The following EPG5 variants were observed in gnomAD, a reference collection of about 807,000 sequenced individuals.
EPG5 encodes ectopic P-granules 5 autophagy tethering factor.
A neutral mutation model predicts 302.7 loss-of-function variants in EPG5; 159 were observed. That is an observed-to-expected ratio of 0.53 (90% CI 0.46 to 0.60). The LOEUF (loss-of-function observed/expected upper bound fraction) is 0.60, where lower values mean the gene tolerates loss of function less well. Ranked by LOEUF, EPG5 falls within the 20% of genes least tolerant of loss-of-function variation. The pLI is 0.00. For synonymous variants in EPG5, 1,158 were observed against 1,136.8 expected, an observed-to-expected ratio of 1.02 and a Z score of -0.37; for missense variants, 2,896 against 3,092.4, an observed-to-expected ratio of 0.94 and a Z score of 1.51.
chr18:45,860,483 G>T, intron 39 of EPG5, 137 bp from the exon 40 acceptor site: 2 of 1,083,124 alleles, frequency 1.8e-6, no homozygotes, highest in Non-Finnish European at 2.7e-6. Context: ...CAAGGGACTG[G>T]AAGGAAGGCT....
At position 45,879,150 on chromosome 18, in the gene EPG5, A is replaced by T; in HGVS notation, c.5732T>A (p.Phe1911Tyr). 6.2e-7 allele frequency: 1 copy of T among 1,614,152 alleles called. No individual in the cohort carries two copies. The highest frequency in any genetic ancestry group is 8.5e-7 in the Non-Finnish European group (1 of 1,180,028). ...FYKLRLSKMD[F>Y]KSFGLFSKWS... Reference sequence around the variant, plus strand: ...TTTTGAGAATAAACCAAAGCTTTTAAAGTCCATCTTGGATAACCGAAGCTT... The same window carrying T: ...TTTTGAGAATAAACCAAAGCTTTTATAGTCCATCTTGGATAACCGAAGCTT... Residue 1911 changes from phenylalanine to tyrosine, a missense_variant, in exon 33 of 44, where the codon TTT (phenylalanine) becomes TAT (tyrosine). Phe to Tyr is a conservative substitution (Grantham distance 22). Around this residue, in one of 5 missense-constraint regions of EPG5, gnomAD observed 790 missense variants for 798.0 expected, o/e 0.99. Transcript: ENST00000282041.
intron 29 of EPG5, among the ~76,000 whole-genome samples, chr18:45,885,786 T>C (rs775355478): frequency 5.3e-5 from 8 of 151,964 alleles, no homozygotes; most frequent in Non-Finnish European, 7.4e-5. Context: ...TGGAAAAATG[T>C]TTTTTTAACA....
intron 35 of EPG5, among the ~76,000 whole-genome samples, chr18:45,874,182 G>T (rs370747030): frequency 6.6e-6 from 1 of 152,222 alleles, no homozygotes. Context: ...ATGCCTTAAT[G>T]TAGGTTCATC....
chr18:45,811,944 G>A, the EPG5 span, among the ~76,000 whole-genome samples: 9 of 152,174 alleles, frequency 5.9e-5, 1 homozygote, highest in African/African-American at 2.2e-4. Flanking sequence ...AAGAAATAAA[G>A]GGTATTCAAT....
chr18:45,943,650 G>A (rs1053667884), intron 8 of EPG5, among the ~76,000 whole-genome samples: 37 of 152,232 alleles, frequency 2.4e-4, no homozygotes, highest in Admixed American at 1.0e-3. Context: ...GGCCAGGCAC[G>A]GTGGCTCACG....
At chr18:45,923,984 G>A (rs2050212911) in intron 14 of EPG5, among the ~76,000 whole-genome samples, 1 of 149,996 alleles carries the variant, frequency 6.7e-6, no homozygotes, top group Non-Finnish European at 1.5e-5. Context: ...GCCAAATCGT[G>A]CCACTGCACT....
chr18:45,919,581 C>T (rs1345861697), intron 16 of EPG5, among the ~76,000 whole-genome samples: 2 of 150,390 alleles, frequency 1.3e-5, no homozygotes, highest in South Asian at 2.1e-4. Flanking sequence ...GGCGCAATCT[C>T]GGCTCACTGC....
chr18:45,933,797 A>C (rs914399196), intron 11 of EPG5, among the ~76,000 whole-genome samples: 10 of 152,188 alleles, frequency 6.6e-5, no homozygotes, highest in African/African-American at 2.2e-4. Context: ...GACATTTAAA[A>C]ATTTGGAAAA....
At chr18:45,873,238 A>G (rs182931340) in intron 35 of EPG5, among the ~76,000 whole-genome samples, 40 of 152,270 alleles carry the variant, frequency 2.6e-4, no homozygotes, top group South Asian at 4.1e-4. Flanking sequence ...ATGGCTGGGC[A>G]TGGTGGCTCA....
Position 45,915,561 on chromosome 18 carries a change from C to A in EPG5, c.3643G>T (p.Ala1215Ser). The change falls in exon 20 of 44, where the codon GCA becomes TCA. Residue 1215 changes from alanine (A) to serine (S), a missense_variant. Transcript: ENST00000282041. ...ACAAAGGAAGGAGTGATGTTGCCTGCCACAATCCAGCTTACCAAAGATGAG... is the reference window on the plus strand; with the variant it reads ...ACAAAGGAAGGAGTGATGTTGCCTGACACAATCCAGCTTACCAAAGATGAG... The part of the protein sequence containing the change: ...LLSSLVSWIV[A>S]GNITPSFVEG... The A allele has an allele frequency of 2.5e-6, 4 of 1,614,162 alleles. No individual in the cohort carries two copies. The highest frequency in any genetic ancestry group is 3.4e-6 in the Non-Finnish European group (4 of 1,180,030).
chr18:45,820,236 A>G, the EPG5 span, among the ~76,000 whole-genome samples: 4 of 152,214 alleles, frequency 2.6e-5, no homozygotes, highest in Non-Finnish European at 5.9e-5. Context: ...ATGGACTCTG[A>G]TAGAGAATGA....
the EPG5 span, among the ~76,000 whole-genome samples, chr18:45,817,468 A>G: frequency 6.6e-6 from 1 of 152,198 alleles, no homozygotes; most frequent in Non-Finnish European, 1.5e-5. Context: ...TAATTCTGTG[A>G]GTGAGGAATT....
chr18:45,964,933 A>G (rs2051218190), intron 1 of EPG5, among the ~76,000 whole-genome samples: 1 of 152,208 alleles, frequency 6.6e-6, no homozygotes. Flanking sequence ...AGCCTGGGCA[A>G]CAAAAGCGAA....
chr18:45,868,154 T>TA, intron 36 of EPG5: 1 of 456,812 alleles, frequency 2.2e-6, no homozygotes, highest in South Asian at 1.5e-5. Context: ...GCATCAGAAC[T>TA]AAATGGAAGG....
At chr18:45,880,856 TGAG>T (rs1458995243) in intron 31 of EPG5, among the ~76,000 whole-genome samples, 1 of 152,134 alleles carries the variant, frequency 6.6e-6, no homozygotes, top group African/African-American at 2.4e-5. Context: ...GGAGCAGGTC[TGAG>T]GAGAACGATG....
At chr18:45,824,468 C>T in the EPG5 span, among the ~76,000 whole-genome samples, 18 of 152,326 alleles carry the variant, frequency 1.2e-4, no homozygotes, top group Non-Finnish European at 1.9e-4. Context: ...AGCCTCCCAA[C>T]ATGCTGGGAT....
chr18:45,901,558 A>G (rs905119275), intron 25 of EPG5, among the ~76,000 whole-genome samples: 8 of 152,218 alleles, frequency 5.3e-5, no homozygotes, highest in Admixed American at 1.3e-4. Flanking sequence ...AAGAAAAAGG[A>G]ATAAGCGTTA....
chr18:45,875,027 G>A (rs147081349), intron 35 of EPG5, among the ~76,000 whole-genome samples: 10 of 152,358 alleles, frequency 6.6e-5, no homozygotes, highest in African/African-American at 2.4e-4. Context: ...CCTAGATTGT[G>A]AGTCAGGAGA....
the EPG5 span, among the ~76,000 whole-genome samples, chr18:45,805,217 G>T: frequency 6.6e-6 from 1 of 152,012 alleles, no homozygotes; most frequent in Admixed American, 6.6e-5. Context: ...GGGGTTATTT[G>T]TGAAGAAACA....
Sources: gnomAD v4.1 joint callset for allele counts (sites outside exome capture counted in the v4.1 genomes callset) on GRCh38, gnomAD v4.1.1 for gene constraint, gnomAD v4.1.1 regional missense constraint, MANE v1.5 for transcripts, NCBI Gene and HGNC (gene_info 2026-07-23, HGNC 2026-07-21) for gene names.